ALMS1: variants seen among roughly 807,000 people sequenced by gnomAD.
The protein encoded by ALMS1 is ALMS1 centrosome and basal body associated protein, also known as centrosome-associated protein ALMS1.
In ALMS1, 271 loss-of-function variants were observed where a neutral mutation model predicts 352.2. The ratio of observed to expected loss-of-function variants is 0.77; its 90% confidence interval spans 0.70 to 0.85. The LOEUF (loss-of-function observed/expected upper bound fraction) is 0.85, where lower values mean the gene tolerates loss of function less well. ALMS1 is among the 40% of genes least tolerant of loss of function. ALMS1 has a pLI of 0.00. For missense variants in ALMS1, 5,445 were observed against 4,870.7 expected, an observed-to-expected ratio of 1.12 and a Z score of -3.51; for synonymous variants, 1,865 against 1,761.2, an observed-to-expected ratio of 1.06 and a Z score of -1.48.
At chr2:73,512,346 G>A (rs1673470043) in intron 10 of ALMS1, among the ~76,000 whole-genome samples, 2 of 151,418 alleles carry the variant, frequency 1.3e-5, no homozygotes, top group African/African-American at 4.8e-5. Flanking sequence ...GCCTCCCAAA[G>A]TGCTGGGATT....
chr2:73,419,068 T>TATTTAGATGAAA, intron 2 of ALMS1, 55 bp from the exon 3 acceptor site: 1 of 1,391,086 alleles, frequency 7.2e-7, no homozygotes, highest in Non-Finnish European at 1.0e-6. Flanking sequence ...TAAATATTAA[T>TATTTAGATGAAA]ATGTATGGTA....
Position 73,605,097 on chromosome 2 carries a change from A to G in ALMS1, c.12362+1793A>G, listed in dbSNP as rs559698963. 4.5e-4 allele frequency among the ~76,000 whole-genome samples: 69 copies of G among 152,356 alleles called. 1 individual carries two copies. The highest frequency in any genetic ancestry group is 8.3e-4 in the South Asian group (4 of 4,826). ...GAACATGACTTTTACTTGAAAGAGT[A>G]ACTGACAGAAAACCAATTATTCTGA... On this transcript the variant is annotated intron_variant, in intron 21 of 22. Transcript: ENST00000613296.
intron 22 of ALMS1, among the ~76,000 whole-genome samples, chr2:73,608,967 C>T (rs1037927109): frequency 3.9e-5 from 6 of 152,212 alleles, no homozygotes; most frequent in Non-Finnish European, 8.8e-5. Context: ...TGTGTAACTG[C>T]GGCATAAGAG....
chr2:73,432,006 G>A (rs573276203), intron 6 of ALMS1, among the ~76,000 whole-genome samples, 192 bp from the exon 7 acceptor site: 2 of 152,144 alleles, frequency 1.3e-5, no homozygotes, highest in Non-Finnish European at 2.9e-5. Context: ...AATTCAGAAG[G>A]TTTGAGATTA....
intron 10 of ALMS1, among the ~76,000 whole-genome samples, chr2:73,495,901 C>T (rs893803014): frequency 2.6e-5 from 4 of 152,042 alleles, no homozygotes; most frequent in Non-Finnish European, 5.9e-5. Context: ...AATTCATAGC[C>T]CCTACCCACA....
chr2:73,392,912 T>A (rs1354017064), intron 1 of ALMS1, among the ~76,000 whole-genome samples: 2 of 152,226 alleles, frequency 1.3e-5, no homozygotes, highest in East Asian at 3.8e-4. Flanking sequence ...CTTTTAAGTT[T>A]CTGCCAGATT....
At chr2:73,517,688 G>C (rs1475091811) in intron 10 of ALMS1, among the ~76,000 whole-genome samples, 1 of 148,144 alleles carries the variant, frequency 6.8e-6, no homozygotes, top group Non-Finnish European at 1.5e-5. Context: ...ACAGAGTTTT[G>C]CTCTTGTTGC....
At chr2:73,563,737 A>T (rs540024009) in intron 15 of ALMS1, among the ~76,000 whole-genome samples, 3,832 of 129,418 alleles carry the variant, frequency 0.03, 138 homozygotes, top group South Asian at 0.049. Context: ...AAAAAAAAAA[A>T]AAATAAAAAT....
upstream of ALMS1, chr2:73,385,805 C>A (rs886056293): frequency 4.5e-6 from 3 of 668,018 alleles, no homozygotes; most frequent in African/African-American, 1.8e-5. Flanking sequence ...CCAGTCAGGG[C>A]TCTCCCCTTC....
rs1672976197 is a variant in ALMS1 at position 73,491,119 on chromosome 2, A to G, written c.9160A>G (p.Lys3054Glu). The part of the protein sequence containing the change: ...LSCVHITLCP[K>E]TSSKLDSGTL... ...TTGTGTTCATATAACTCTTTGTCCC[A>G]AGACTTCTTCCAAGTTGGATAGTGG... The change falls in exon 10 of 23, where the codon AAG (lysine) becomes GAG (glutamate). Residue 3054 changes from lysine to glutamate, a missense_variant. Coordinates refer to ENST00000613296, the MANE Select transcript of ALMS1 (RefSeq NM_001378454.1). The G allele has an allele frequency of 1.9e-6, 3 of 1,614,180 alleles. No homozygotes were observed. The highest frequency in any genetic ancestry group is 1.3e-5 in the African/African-American group (1 of 75,058).
At position 73,572,480 on chromosome 2, in the gene ALMS1, A is replaced by G. The variant is rs769907792; in HGVS notation, c.10603A>G (p.Met3535Val). The change falls in exon 16 of 23, where the codon ATG becomes GTG. Residue 3535 changes from methionine to valine, a missense_variant. Coordinates refer to ENST00000613296, the MANE Select transcript of ALMS1 (RefSeq NM_001378454.1). ...HMCLPLPYQNMDKTKTDYTRI... is the reference protein window; with the variant it reads ...HMCLPLPYQNVDKTKTDYTRI... ...GTGTCTTCCTCTTCCTTATCAAAAC[A>G]TGGACAAGACTAAGACAGATTATAC... The G allele has an allele frequency of 3.1e-6, 5 of 1,613,984 alleles. No homozygotes were observed. Among genetic ancestry groups the G allele is most frequent in the South Asian group, 1.1e-5 (1 of 91,040 alleles).
chr2:73,534,709 A>T, intron 11 of ALMS1, 115 bp from the exon 12 acceptor site: 2 of 1,047,470 alleles, frequency 1.9e-6, no homozygotes, highest in South Asian at 1.4e-5. Context: ...CTCTTTGTTT[A>T]CTCATAAATT....
intron 16 of ALMS1, among the ~76,000 whole-genome samples, chr2:73,579,362 C>CT (rs201175670): frequency 3.5e-5 from 5 of 144,912 alleles, no homozygotes; most frequent in African/African-American, 7.6e-5. Flanking sequence ...ACCTGGCCTT[C>CT]TTTTTTTTTT....
At chr2:73,404,517 A>G (rs1453646362) in intron 1 of ALMS1, among the ~76,000 whole-genome samples, 57 of 149,030 alleles carry the variant, frequency 3.8e-4, no homozygotes, top group Non-Finnish European at 1.2e-4. Flanking sequence ...GTGAAGTGCT[A>G]TTTCGGTTTC....
intron 2 of ALMS1, among the ~76,000 whole-genome samples, chr2:73,413,469 A>G (rs1406546686): frequency 1.3e-5 from 2 of 152,074 alleles, no homozygotes; most frequent in Non-Finnish European, 2.9e-5. Context: ...TTTGGGTTGA[A>G]TAATTCTTCA....
At chr2:73,394,653 TC>T (rs1670717500) in intron 1 of ALMS1, among the ~76,000 whole-genome samples, 1 of 152,164 alleles carries the variant, frequency 6.6e-6, no homozygotes, top group South Asian at 2.1e-4. Context: ...CCTGGCCTAA[TC>T]ATCTGGTTCA....
chr2:73,437,918 T>C (rs183250507), intron 7 of ALMS1, among the ~76,000 whole-genome samples: 21 of 152,256 alleles, frequency 1.4e-4, no homozygotes, highest in Admixed American at 1.2e-3. Context: ...GTGAAATTAT[T>C]CAAACAAGCC....
At chr2:73,436,731 AT>A (rs1266470170) in intron 7 of ALMS1, among the ~76,000 whole-genome samples, 2 of 151,422 alleles carry the variant, frequency 1.3e-5, no homozygotes, top group African/African-American at 4.9e-5. Context: ...CCATTTTGTT[AT>A]TTTCTAAGTT....
intron 9 of ALMS1, among the ~76,000 whole-genome samples, chr2:73,456,448 G>A (rs1572940614): frequency 2.0e-5 from 3 of 152,244 alleles, no homozygotes; most frequent in South Asian, 2.1e-4. Context: ...AATGCCTATC[G>A]TAGAGGGTTT....
Sources: gnomAD v4.1 joint callset for allele counts (sites outside exome capture counted in the v4.1 genomes callset) on GRCh38, gnomAD v4.1.1 for gene constraint, MANE v1.5 for transcripts, NCBI Gene and HGNC (gene_info 2026-07-23, HGNC 2026-07-21) for gene names.